ATRNL1: variants seen among roughly 807,000 people sequenced by gnomAD.
ATRNL1 encodes the protein attractin like 1.
Under a neutral mutation model 182.7 loss-of-function variants are expected in ATRNL1, and 95 were observed. The observed-to-expected ratio is 0.52, with a 90% CI of 0.44 to 0.62. ATRNL1 has a LOEUF of 0.62. Ranked by LOEUF, ATRNL1 falls within the 20% of genes least tolerant of loss-of-function variation. ATRNL1 has a pLI of 0.00. For synonymous variants in ATRNL1, 576 were observed against 568.3 expected (o/e 1.01, Z -0.19); for missense variants, 1,471 against 1,679.5 (o/e 0.88, Z 2.17).
At chr10:115,312,361 T>C (rs1278038735) in intron 17 of ATRNL1, among the ~76,000 whole-genome samples, 1 of 152,198 alleles carries the variant, frequency 6.6e-6, no homozygotes, top group Admixed American at 6.5e-5. Context: ...CCTTCATTTA[T>C]GAAAGTTAGT....
chr10:115,263,689 C>T (rs1257118446), intron 10 of ATRNL1, among the ~76,000 whole-genome samples: 2 of 151,684 alleles, frequency 1.3e-5, no homozygotes, highest in Non-Finnish European at 3.0e-5. Flanking sequence ...TTCTTTTGCA[C>T]CAACCTAATA....
chr10:115,410,820 C>T (rs926099870), intron 20 of ATRNL1, among the ~76,000 whole-genome samples: 10 of 152,080 alleles, frequency 6.6e-5, no homozygotes, highest in African/African-American at 2.2e-4. Context: ...TCACTGCAAC[C>T]TCTGCCTCGT....
rs908882055 is a variant in ATRNL1, at chr10:115,852,831, G to A, written c.4018+4840G>A. Reference sequence around the variant, plus strand: ...CTTTGCCGGTGACTTCAGAAATTTGGTAAAATGCAAATCTGTGCATGCCGT... The same window carrying A: ...CTTTGCCGGTGACTTCAGAAATTTGATAAAATGCAAATCTGTGCATGCCGT... On this transcript the variant is annotated intron_variant, in intron 28 of 28. Coordinates refer to ENST00000355044, the MANE Select transcript of ATRNL1 (RefSeq NM_207303.4). Among the ~76,000 whole-genome samples the A allele has an allele frequency of 4.6e-5, 7 of 152,200 alleles. No homozygotes were observed. In the South Asian group the frequency reaches 8.3e-4, roughly 18 times the overall value.
chr10:115,246,681 C>T (rs1850659285), intron 10 of ATRNL1, among the ~76,000 whole-genome samples: 1 of 120,694 alleles, frequency 8.3e-6, no homozygotes, highest in African/African-American at 3.5e-5. Flanking sequence ...CTGCCTCAGC[C>T]TCCCGAGTAG....
At chr10:115,339,105 T>C (rs560684658) in intron 19 of ATRNL1, among the ~76,000 whole-genome samples, 4 of 152,360 alleles carry the variant, frequency 2.6e-5, no homozygotes, top group South Asian at 4.1e-4. Flanking sequence ...GCCAGTATTA[T>C]GCTGCTTTGC....
chr10:115,442,333 G>A (rs1554965937), intron 21 of ATRNL1, among the ~76,000 whole-genome samples: 1 of 142,806 alleles, frequency 7.0e-6, no homozygotes, highest in East Asian at 2.0e-4. Context: ...AAACAATCAG[G>A]AACTTTTTCA....
At position 115,127,830 on chromosome 10, in the gene ATRNL1, C is replaced by T. The variant is rs376048836; in HGVS notation, c.620+109C>T. On this transcript the variant is annotated intron_variant, in intron 4 of 28. Transcript: ENST00000355044. The stretch of plus-strand genomic sequence containing the variant: ...GTCTTGTATACCAGAAGCAGGCTAC[C>T]GTGTTAAATTTCAAATTAGTAGGCA... 1.1e-3 allele frequency: 824 copies of T among 740,894 alleles called. 13 individuals are homozygous for T. The South Asian group carries it at 0.028, about 25-fold the overall frequency. The allele number at this position is 740,894 out of a possible 1,614,324, so 45.9% of individuals were successfully genotyped here.
intron 27 of ATRNL1, among the ~76,000 whole-genome samples, chr10:115,786,115 CA>C (rs1308008574): frequency 1.6e-4 from 25 of 152,172 alleles, no homozygotes; most frequent in African/African-American, 5.1e-4. Flanking sequence ...TCACCAAAAT[CA>C]CCTTTAACAT....
chr10:115,459,555 A>G (rs1847693659), intron 21 of ATRNL1, among the ~76,000 whole-genome samples: 1 of 150,838 alleles, frequency 6.6e-6, no homozygotes, highest in African/African-American at 2.5e-5. Context: ...CCCACCTAAT[A>G]AATTTTGGTC....
chr10:115,136,133 G>T (rs113105441), intron 5 of ATRNL1, among the ~76,000 whole-genome samples: 24 of 151,904 alleles, frequency 1.6e-4, no homozygotes, highest in African/African-American at 5.6e-4. Flanking sequence ...AGAGTAGCTG[G>T]GACTACTCGA....
At chr10:115,630,866 A>G (rs1400540479) in intron 26 of ATRNL1, among the ~76,000 whole-genome samples, 13 of 140,332 alleles carry the variant, frequency 9.3e-5, no homozygotes, top group African/African-American at 2.7e-4. Context: ...ACACACACAC[A>G]CACACACATT....
intron 27 of ATRNL1, among the ~76,000 whole-genome samples, chr10:115,812,974 A>G (rs941462770): frequency 2.6e-5 from 4 of 152,164 alleles, no homozygotes; most frequent in African/African-American, 9.7e-5. Context: ...AATGGAAGAA[A>G]GTATGCTAGA....
chr10:115,915,511 C>G (rs1952823970), intron 28 of ATRNL1, among the ~76,000 whole-genome samples: 2 of 151,744 alleles, frequency 1.3e-5, no homozygotes, highest in Admixed American at 1.3e-4. Flanking sequence ...TTGGGAAAGA[C>G]ATCAGATAAT....
intron 19 of ATRNL1, among the ~76,000 whole-genome samples, chr10:115,380,683 A>G (rs1554950825): frequency 1.3e-5 from 2 of 152,182 alleles, no homozygotes; most frequent in Admixed American, 1.3e-4. Context: ...AGGTTCATCC[A>G]TGTTGTATTA....
At chr10:115,289,279 C>G (rs561368165) in intron 15 of ATRNL1, among the ~76,000 whole-genome samples, 23 of 152,278 alleles carry the variant, frequency 1.5e-4, no homozygotes, top group African/African-American at 5.3e-4. Context: ...CGTGGTAATT[C>G]AAGATGAGAT....
At chr10:115,815,415 ATG>A (rs367551845) in intron 27 of ATRNL1, among the ~76,000 whole-genome samples, 5,824 of 142,982 alleles carry the variant, frequency 0.041, 336 homozygotes, top group African/African-American at 0.14. Context: ...GTGTGTGTGT[ATG>A]TGTGTGTGTG....
chr10:115,914,441 G>A (rs1952782705), intron 28 of ATRNL1, among the ~76,000 whole-genome samples: 2 of 152,148 alleles, frequency 1.3e-5, no homozygotes, highest in African/African-American at 4.8e-5. Flanking sequence ...TGGGGGTATG[G>A]AATAGGCCAC....
chr10:115,702,576 A>C (rs192005642), intron 26 of ATRNL1, among the ~76,000 whole-genome samples: 62 of 152,140 alleles, frequency 4.1e-4, no homozygotes, highest in Non-Finnish European at 7.9e-4. Flanking sequence ...GGAACTAATC[A>C]ACAACTTCAG....
At chr10:115,805,419 G>A (rs1043204908) in intron 27 of ATRNL1, among the ~76,000 whole-genome samples, 20 of 152,184 alleles carry the variant, frequency 1.3e-4, no homozygotes, top group Non-Finnish European at 2.1e-4. Flanking sequence ...ATTATGTAAG[G>A]TAAGTTTTCA....
Sources: allele counts gnomAD v4.1 joint callset (sites outside exome capture counted in the v4.1 genomes callset), GRCh38; gene constraint gnomAD v4.1.1; transcripts MANE v1.5; gene names NCBI Gene and HGNC (gene_info 2026-07-23, HGNC 2026-07-21).